The following GRK3 variants were observed in gnomAD, a reference collection of about 807,000 sequenced individuals.
GRK3 encodes the protein adrenergic, beta, receptor kinase 2.
In GRK3, 54 loss-of-function variants were observed where a neutral mutation model predicts 95.7. The observed-to-expected ratio is 0.56, with a 90% CI of 0.45 to 0.71. GRK3 has a LOEUF of 0.71. Ranked by LOEUF, GRK3 falls within the 30% of genes least tolerant of loss-of-function variation. GRK3 has a pLI of 0.00. For synonymous variants in GRK3, 281 were observed against 290.8 expected (o/e 0.97, Z 0.34); for missense variants, 649 against 851.2 (o/e 0.76, Z 2.96).
intron 1 of GRK3, among the ~76,000 whole-genome samples, chr22:25,599,449 G>C (rs1305849332): frequency 1.3e-5 from 2 of 151,766 alleles, no homozygotes; most frequent in Non-Finnish European, 2.9e-5. Flanking sequence ...AATATTAGCC[G>C]GGCGTGGTGG....
At chr22:25,580,129 G>A (rs1932048698) in intron 1 of GRK3, 1 of 152,172 alleles carries the variant, frequency 6.6e-6, no homozygotes, top group African/African-American at 2.4e-5. Context: ...TATGGAGAGA[G>A]AGGAACAGTG....
At chr22:25,676,700 A>AAT (rs578211810) in intron 8 of GRK3, among the ~76,000 whole-genome samples, 64 of 152,146 alleles carry the variant, frequency 4.2e-4, no homozygotes, top group African/African-American at 1.4e-3. Context: ...CAAAAAAAAA[A>AAT]AAAGGAAATA....
At chr22:25,610,422 G>A (rs1019868738) in intron 2 of GRK3, among the ~76,000 whole-genome samples, 4 of 152,124 alleles carry the variant, frequency 2.6e-5, no homozygotes, top group African/African-American at 7.2e-5. Flanking sequence ...AGTCGTGATC[G>A]CATCACGGCT....
intron 8 of GRK3, among the ~76,000 whole-genome samples, chr22:25,676,984 T>C (rs932517297): frequency 6.6e-6 from 1 of 152,110 alleles, no homozygotes; most frequent in African/African-American, 2.4e-5. Context: ...TTTGATACCT[T>C]CTAAACAGAG....
chr22:25,669,025 C>A (rs1312003988), intron 6 of GRK3, among the ~76,000 whole-genome samples: 2 of 152,088 alleles, frequency 1.3e-5, no homozygotes, highest in East Asian at 3.9e-4. Context: ...GCAGCCATTA[C>A]AATTTTCTGT....
At chr22:25,714,157 T>C (rs1295325242) in intron 17 of GRK3, among the ~76,000 whole-genome samples, 1 of 152,174 alleles carries the variant, frequency 6.6e-6, no homozygotes, top group Non-Finnish European at 1.5e-5. Flanking sequence ...GTATACAAGA[T>C]TGGGTTGATT....
At chr22:25,702,027 A>G (rs1191682074) in intron 13 of GRK3, among the ~76,000 whole-genome samples, 3 of 152,012 alleles carry the variant, frequency 2.0e-5, no homozygotes, top group Non-Finnish European at 4.4e-5. Flanking sequence ...GAATATTTCC[A>G]ATCAAAATCT....
At chr22:25,643,892 C>G (rs1410574537) in intron 2 of GRK3, among the ~76,000 whole-genome samples, 1 of 152,194 alleles carries the variant, frequency 6.6e-6, no homozygotes, top group African/African-American at 2.4e-5. Context: ...GACTTCAGAG[C>G]ACAGTTGGCT....
At chr22:25,570,294 G>A (rs1409461970) in intron 1 of GRK3, among the ~76,000 whole-genome samples, 3 of 152,092 alleles carry the variant, frequency 2.0e-5, no homozygotes, top group African/African-American at 4.8e-5. Context: ...GAGAAATTGT[G>A]TAATACACCA....
chr22:25,709,849 TA>T, intron 15 of GRK3, 48 bp from the exon 16 acceptor site: 1 of 1,379,086 alleles, frequency 7.3e-7, no homozygotes, highest in Non-Finnish European at 1.0e-6. Context: ...CAATATTTAT[TA>T]CGTTTCCAAA....
At chr22:25,605,546 A>C (rs1204282408) in intron 2 of GRK3, among the ~76,000 whole-genome samples, 1 of 152,168 alleles carries the variant, frequency 6.6e-6, no homozygotes, top group Non-Finnish European at 1.5e-5. Context: ...GCTAGTTAAA[A>C]ATTTTTTTAA....
chr22:25,627,395 C>T (rs981943477), intron 2 of GRK3, among the ~76,000 whole-genome samples: 1 of 152,192 alleles, frequency 6.6e-6, no homozygotes, highest in Non-Finnish European at 1.5e-5. Context: ...ATAAAGCATA[C>T]CTTCCACCTT....
At chr22:25,588,264 T>A (rs1932384563) in intron 1 of GRK3, among the ~76,000 whole-genome samples, 1 of 152,226 alleles carries the variant, frequency 6.6e-6, no homozygotes, top group South Asian at 2.1e-4. Context: ...ATATTTATTG[T>A]CACCTTAATA....
intron 2 of GRK3, among the ~76,000 whole-genome samples, chr22:25,608,558 A>G (rs2084470076): frequency 6.6e-6 from 1 of 152,244 alleles, no homozygotes. Context: ...TATGAAGCTC[A>G]GGAAAGATTC....
chr22:25,712,031 A>G (rs2085347895), intron 17 of GRK3, among the ~76,000 whole-genome samples: 1 of 152,258 alleles, frequency 6.6e-6, no homozygotes, highest in Non-Finnish European at 1.5e-5. Context: ...AAAAGCCAGT[A>G]AATGGCTGGA....
In GRK3 at chr22:25,700,888, T is replaced by C. The variant is rs542741407; in HGVS notation, c.1161-2622T>C. 1.4e-3 allele frequency among the ~76,000 whole-genome samples: 217 copies of C among 152,332 alleles called. 1 individual carries two copies. The highest frequency in any genetic ancestry group is 2.1e-3 in the Non-Finnish European group (144 of 68,034). ...CGTGACCCACCGCGCCCGGCCTCTT[T>C]TGGGTATTTTGAAATTAACTTTTGA... On this transcript the variant is annotated intron_variant, in intron 13 of 20. Transcript: ENST00000324198.
At chr22:25,583,976 G>A (rs1932195179) in intron 1 of GRK3, among the ~76,000 whole-genome samples, 1 of 152,132 alleles carries the variant, frequency 6.6e-6, no homozygotes, top group African/African-American at 2.4e-5. Context: ...ACAATGCTAC[G>A]GCAGCTTATG....
At chr22:25,567,726 T>C (rs1469217171) in intron 1 of GRK3, among the ~76,000 whole-genome samples, 1 of 152,254 alleles carries the variant, frequency 6.6e-6, no homozygotes, top group Non-Finnish European at 1.5e-5. Flanking sequence ...TCACTAGTGA[T>C]TTTTTTATTT....
At chr22:25,677,539 T>C (rs2085041565) in intron 8 of GRK3, among the ~76,000 whole-genome samples, 6 of 152,208 alleles carry the variant, frequency 3.9e-5, no homozygotes, top group Admixed American at 3.9e-4. Flanking sequence ...TTTCTAACAT[T>C]TGATCCCACA....
Sources: gnomAD v4.1 joint callset for allele counts (sites outside exome capture counted in the v4.1 genomes callset) on GRCh38, gnomAD v4.1.1 for gene constraint, MANE v1.5 for transcripts, NCBI Gene and HGNC (gene_info 2026-07-23, HGNC 2026-07-21) for gene names.